DDX10: variants seen among roughly 807,000 people sequenced by gnomAD.
DDX10 encodes DEAD-box helicase 10, also known as probable ATP-dependent RNA helicase DDX10.
In DDX10, 74 loss-of-function variants were observed where a neutral mutation model predicts 104.3. The ratio of observed to expected loss-of-function variants is 0.71; its 90% CI spans 0.59 to 0.86. The LOEUF (loss-of-function observed/expected upper bound fraction) is 0.86, where lower values mean the gene tolerates loss of function less well. Ranked by LOEUF, DDX10 falls within the 40% of genes least tolerant of loss-of-function variation. DDX10 has a pLI of 0.00. For missense variants in DDX10, 952 were observed against 1,040.0 expected (o/e 0.92, Z 1.16); for synonymous variants, 351 against 353.4 (o/e 0.99, Z 0.08).
intron 17 of DDX10, chr11:108,918,272 G>T (rs1016598488): frequency 2.7e-5 from 11 of 411,278 alleles, no homozygotes; most frequent in East Asian, 1.4e-4. Flanking sequence ...TATATGAGTT[G>T]TGTTTTTCCT....
chr11:108,886,134 G>T (rs552174425), intron 16 of DDX10, among the ~76,000 whole-genome samples: 2 of 152,276 alleles, frequency 1.3e-5, no homozygotes, highest in South Asian at 4.1e-4. Flanking sequence ...AAGGGGAGGG[G>T]ATAAGGGGAA....
intron 16 of DDX10, among the ~76,000 whole-genome samples, chr11:108,866,349 A>G (rs1008558738): frequency 6.6e-6 from 1 of 152,160 alleles, no homozygotes; most frequent in African/African-American, 2.4e-5. Flanking sequence ...GGATTCGGCA[A>G]TGAGAGTATT....
chr11:108,852,274 T>C (rs994641521), intron 16 of DDX10, 65 bp downstream of exon 16: 17 of 1,287,446 alleles, frequency 1.3e-5, no homozygotes, highest in South Asian at 4.3e-5. Flanking sequence ...AAGCATTTTA[T>C]ATTTTGGCAA....
chr11:108,869,696 G>T (rs916595913), intron 16 of DDX10, among the ~76,000 whole-genome samples: 4 of 151,964 alleles, frequency 2.6e-5, no homozygotes, highest in Non-Finnish European at 4.4e-5. Flanking sequence ...TTATGAGTCA[G>T]TATATCGATA....
chr11:108,830,413 C>T (rs936260934), intron 13 of DDX10, among the ~76,000 whole-genome samples: 1 of 152,126 alleles, frequency 6.6e-6, no homozygotes, highest in Non-Finnish European at 1.5e-5. Context: ...TGAAAGTTTG[C>T]TGAATTCATT....
At chr11:108,678,870 ATTTTTTTTTTTTT>A (rs769948315) in intron 5 of DDX10, among the ~76,000 whole-genome samples, 3 of 92,710 alleles carry the variant, frequency 3.2e-5, no homozygotes, top group Non-Finnish European at 5.7e-5. Context: ...GTTTCCCCTA[ATTTTTTTTTTTTT>A]TTTTTTTTTT....
At chr11:108,725,140 T>G (rs762481884) in intron 13 of DDX10, among the ~76,000 whole-genome samples, 2 of 152,094 alleles carry the variant, frequency 1.3e-5, no homozygotes, top group African/African-American at 2.4e-5. Flanking sequence ...TTAACGTTAT[T>G]GCATGCATCA....
At chr11:108,674,960 A>G (rs1020898797) in intron 2 of DDX10, among the ~76,000 whole-genome samples, 1 of 152,100 alleles carries the variant, frequency 6.6e-6, no homozygotes, top group African/African-American at 2.4e-5. Context: ...GATTCTACAT[A>G]TAAGTGAGAT....
At chr11:108,752,500 T>A (rs2094339944) in intron 13 of DDX10, among the ~76,000 whole-genome samples, 1 of 152,102 alleles carries the variant, frequency 6.6e-6, no homozygotes, top group Admixed American at 6.6e-5. Context: ...TAGTATTTTA[T>A]CTGATAACAA....
chr11:108,743,443 C>T (rs1407926758), intron 13 of DDX10, among the ~76,000 whole-genome samples: 1 of 152,152 alleles, frequency 6.6e-6, no homozygotes, highest in East Asian at 1.9e-4. Context: ...AAAAGCTGGA[C>T]ACATTCCCCT....
chr11:108,738,654 A>G (rs2094321261), intron 13 of DDX10, among the ~76,000 whole-genome samples: 1 of 152,084 alleles, frequency 6.6e-6, no homozygotes, highest in Non-Finnish European at 1.5e-5. Flanking sequence ...GCCTACCCCA[A>G]GCCCCATTAG....
intron 9 of DDX10, among the ~76,000 whole-genome samples, chr11:108,703,056 CTG>C (rs1320646596): frequency 3.3e-5 from 5 of 152,140 alleles, no homozygotes; most frequent in East Asian, 3.8e-4. Flanking sequence ...CGGCTAGACT[CTG>C]TTAAAATAGT....
At chr11:108,880,557 T>C (rs1307023952) in intron 16 of DDX10, among the ~76,000 whole-genome samples, 1 of 152,154 alleles carries the variant, frequency 6.6e-6, no homozygotes, top group Non-Finnish European at 1.5e-5. Context: ...ATCTGGTAAA[T>C]ATGATAGCAG....
chr11:108,877,199 A>C (rs948529710), intron 16 of DDX10, among the ~76,000 whole-genome samples: 1 of 152,246 alleles, frequency 6.6e-6, no homozygotes, highest in Non-Finnish European at 1.5e-5. Context: ...ACTTTTCAAA[A>C]GAATGTTTTC....
intron 16 of DDX10, among the ~76,000 whole-genome samples, chr11:108,862,784 T>C (rs549616810): frequency 1.3e-5 from 2 of 152,324 alleles, no homozygotes; most frequent in African/African-American, 2.4e-5. Flanking sequence ...CCTTGGAATG[T>C]TGTGGAGATC....
At chr11:108,744,869 T>C (rs2094329416) in intron 13 of DDX10, among the ~76,000 whole-genome samples, 1 of 152,068 alleles carries the variant, frequency 6.6e-6, no homozygotes, top group African/African-American at 2.4e-5. Flanking sequence ...TCTGGAGTAG[T>C]GGAGATTTGG....
At chr11:108,778,115 C>T (rs1477244636) in intron 13 of DDX10, among the ~76,000 whole-genome samples, 1 of 152,180 alleles carries the variant, frequency 6.6e-6, no homozygotes, top group African/African-American at 2.4e-5. Context: ...GATGGCCATA[C>T]TGCCCAAGGT....
intron 12 of DDX10, 83 bp downstream of exon 12, chr11:108,719,968 T>A: frequency 2.2e-6 from 2 of 889,646 alleles, no homozygotes; most frequent in South Asian, 1.4e-5. Context: ...GGGGTCTTGC[T>A]ATGTTGCCCA....
chr11:108,907,289 C>T (rs1322200780), intron 16 of DDX10, among the ~76,000 whole-genome samples: 1 of 150,850 alleles, frequency 6.6e-6, no homozygotes, highest in East Asian at 1.9e-4. Flanking sequence ...CCTGTTTGTT[C>T]CTTGATATGG....
Sources: allele counts gnomAD v4.1 joint callset (sites outside exome capture counted in the v4.1 genomes callset), GRCh38; gene constraint gnomAD v4.1.1; transcripts MANE v1.5; gene names NCBI Gene and HGNC (gene_info 2026-07-23, HGNC 2026-07-21).